The following GALNT10 variants were observed in gnomAD, a reference collection of about 807,000 sequenced individuals.
GALNT10 encodes the protein GalNAc transferase 10.
Under a neutral mutation model 75.0 loss-of-function variants are expected in GALNT10, and 41 were observed. The ratio of observed to expected loss-of-function variants is 0.55; its 90% confidence interval spans 0.43 to 0.71. The LOEUF is 0.71. Ranked by LOEUF, GALNT10 falls within the 30% of genes least tolerant of loss-of-function variation. The pLI is 0.00. For missense variants in GALNT10, 727 were observed against 818.5 expected, an observed-to-expected ratio of 0.89 and a Z score of 1.36; for synonymous variants, 302 against 313.0, an observed-to-expected ratio of 0.96 and a Z score of 0.37.
intron 3 of GALNT10, among the ~76,000 whole-genome samples, chr5:154,305,660 C>A (rs931909843): frequency 6.6e-6 from 1 of 152,174 alleles, no homozygotes; most frequent in Non-Finnish European, 1.5e-5. Context: ...GAAGACATAG[C>A]AATCCTAAAT....
chr5:154,323,720 C>A (rs1291079776), intron 3 of GALNT10, among the ~76,000 whole-genome samples: 1 of 152,222 alleles, frequency 6.6e-6, no homozygotes, highest in African/African-American at 2.4e-5. Context: ...CCTCATTGAG[C>A]CTCCCTCAGC....
intron 1 of GALNT10, among the ~76,000 whole-genome samples, chr5:154,277,157 T>A (rs545377878): frequency 1.3e-5 from 2 of 152,038 alleles, no homozygotes; most frequent in Non-Finnish European, 2.9e-5. Context: ...CAACTGGGGC[T>A]GGGCTGGGCA....
chr5:154,291,022 G>T (rs141868551), intron 1 of GALNT10, among the ~76,000 whole-genome samples: 1 of 152,168 alleles, frequency 6.6e-6, no homozygotes, highest in East Asian at 1.9e-4. Flanking sequence ...AAACAGCATA[G>T]TTCATCTCTG....
At chr5:154,308,184 G>A (rs907034853) in intron 3 of GALNT10, among the ~76,000 whole-genome samples, 1 of 151,722 alleles carries the variant, frequency 6.6e-6, no homozygotes, top group African/African-American at 2.4e-5. Flanking sequence ...GGGGTAGAAT[G>A]TAGTTGGAAA....
chr5:154,217,062 G>A (rs183449965), intron 1 of GALNT10, among the ~76,000 whole-genome samples: 140 of 152,252 alleles, frequency 9.2e-4, no homozygotes, highest in African/African-American at 3.3e-3. Context: ...GATTTGTTGA[G>A]CCATTTGCCC....
chr5:154,245,527 C>T (rs1290668544), intron 1 of GALNT10, among the ~76,000 whole-genome samples: 5 of 121,786 alleles, frequency 4.1e-5, no homozygotes, highest in East Asian at 6.1e-4. Context: ...GCTGGGACTC[C>T]GAGCTCTGGC....
At chr5:154,411,928 G>A (rs1274675842) in intron 9 of GALNT10, among the ~76,000 whole-genome samples, 1 of 152,184 alleles carries the variant, frequency 6.6e-6, no homozygotes, top group East Asian at 1.9e-4. Flanking sequence ...AGCCGGGATA[G>A]GAAGAGTCCA....
At chr5:154,378,053 G>A (rs563070323) in intron 5 of GALNT10, among the ~76,000 whole-genome samples, 188 of 152,300 alleles carry the variant, frequency 1.2e-3, no homozygotes, top group Middle Eastern at 3.4e-3. Flanking sequence ...GACATACATG[G>A]AAGAAACATC....
intron 1 of GALNT10, among the ~76,000 whole-genome samples, chr5:154,205,072 A>ACT (rs1453588320): frequency 5.3e-5 from 8 of 152,024 alleles, no homozygotes; most frequent in Non-Finnish European, 1.0e-4. Flanking sequence ...TTTCATTTGG[A>ACT]CACCACTCTG....
At chr5:154,193,139 GT>G (rs1462683106) in intron 1 of GALNT10, among the ~76,000 whole-genome samples, 3 of 151,406 alleles carry the variant, frequency 2.0e-5, no homozygotes, top group Non-Finnish European at 2.9e-5. Flanking sequence ...GGAGGAAGAA[GT>G]GGTGAAGGGG....
At chr5:154,371,201 A>ATCC (rs1755557225) in intron 4 of GALNT10, among the ~76,000 whole-genome samples, 1 of 152,058 alleles carries the variant, frequency 6.6e-6, no homozygotes, top group African/African-American at 2.4e-5. Flanking sequence ...ATCACACAGT[A>ATCC]TCCTCTCTGT....
intron 1 of GALNT10, among the ~76,000 whole-genome samples, chr5:154,234,378 G>A (rs1001420199): frequency 2.0e-5 from 3 of 152,066 alleles, no homozygotes; most frequent in Admixed American, 2.0e-4. Flanking sequence ...TGAAGAACAG[G>A]CTCATAGGCT....
At chr5:154,240,617 A>C (rs1377596368) in intron 1 of GALNT10, among the ~76,000 whole-genome samples, 1 of 152,208 alleles carries the variant, frequency 6.6e-6, no homozygotes, top group African/African-American at 2.4e-5. Flanking sequence ...CACCTAATAA[A>C]TGCTATTAAT....
chr5:154,337,229 G>T (rs1396307140), intron 4 of GALNT10, among the ~76,000 whole-genome samples: 1 of 152,150 alleles, frequency 6.6e-6, no homozygotes, highest in Non-Finnish European at 1.5e-5. Context: ...TTGTTCGAAT[G>T]CTTTACACTT....
rs138048575 is a variant in GALNT10, at chr5:154,416,237, C to T, written c.1653+305C>T. 4.7e-4 allele frequency among the ~76,000 whole-genome samples: 71 copies of T among 151,964 alleles called. No homozygotes were observed. The highest frequency in any genetic ancestry group is 7.5e-4 in the African/African-American group (31 of 41,426). On this transcript the variant is annotated intron_variant, in intron 11 of 11. Coordinates refer to ENST00000297107, the MANE Select transcript of GALNT10 (RefSeq NM_198321.4). This position sits in a 1 kb window ranked among gnomAD's most constrained non-coding sequence, Gnocchi z 4.5. Reference sequence around the variant, plus strand: ...GGTGGATCACCTGAGGTCAGGAGTTCGAGACTAGCCTGGCCAACATGGTGA... The same window carrying T: ...GGTGGATCACCTGAGGTCAGGAGTTTGAGACTAGCCTGGCCAACATGGTGA...
At chr5:154,407,844 A>T (rs1300582877) in intron 8 of GALNT10, among the ~76,000 whole-genome samples, 1 of 152,180 alleles carries the variant, frequency 6.6e-6, no homozygotes, top group Non-Finnish European at 1.5e-5. Flanking sequence ...AGAACTAGGT[A>T]GCAACAAGGA....
Position 154,380,449 on chromosome 5 carries a change from C to A in GALNT10, c.756C>A (p.Asp252Glu). The change falls in exon 6 of 12, where the codon GAC becomes GAA. Residue 252 changes from aspartate to glutamate, a missense_variant and splice_region_variant. Physicochemically the swap from Asp to Glu is conservative, Grantham distance 45 (BLOSUM62 2). Coordinates refer to ENST00000297107, the MANE Select transcript of GALNT10 (RefSeq NM_198321.4). ...ATAGGCATCTCTTGGCTTCTTCAGA[C>A]CGCATTGCTCGGAACCGCAAGACCA... ...ANVNWLPPLL[D>E]RIARNRKTIV... 2 of 1,612,252 alleles carry A rather than the reference C, an allele frequency of 1.2e-6. No homozygotes were observed. Among genetic ancestry groups the A allele is most frequent in the Non-Finnish European group, 1.7e-6 (2 of 1,178,696 alleles).
intron 1 of GALNT10, among the ~76,000 whole-genome samples, chr5:154,267,748 T>C (rs1304984887): frequency 6.6e-6 from 1 of 152,154 alleles, no homozygotes; most frequent in Non-Finnish European, 1.5e-5. Context: ...AGCATGTGAT[T>C]TTCCCAGATT....
intron 1 of GALNT10, among the ~76,000 whole-genome samples, chr5:154,203,883 C>T (rs4958710): frequency 0.44 from 67,150 of 152,036 alleles, 15,711 homozygotes; most frequent in East Asian, 0.78. Flanking sequence ...GAGAATATTC[C>T]AGGTTTTTAC....
Sources: gnomAD v4.1 joint callset for allele counts (sites outside exome capture counted in the v4.1 genomes callset) on GRCh38, gnomAD v4.1.1 for gene constraint, Gnocchi (gnomAD v3.1) non-coding constraint, MANE v1.5 for transcripts, NCBI Gene and HGNC (gene_info 2026-07-23, HGNC 2026-07-21) for gene names.